Variants in SNX4 observed in about 807,000 individuals in gnomAD.
SNX4 encodes the protein sorting nexin-4.
In SNX4, 49 loss-of-function variants were observed where a neutral mutation model predicts 70.8. The ratio of observed to expected loss-of-function variants is 0.69; its 90% CI spans 0.55 to 0.88. The LOEUF (loss-of-function observed/expected upper bound fraction) is 0.88. SNX4 is among the 40% of genes least tolerant of loss of function. The pLI, the probability that SNX4 is intolerant of heterozygous loss-of-function variation, is 0.00. For missense variants in SNX4, 528 were observed against 544.8 expected (o/e 0.97, Z 0.31); for synonymous variants, 206 against 183.8 (o/e 1.12, Z -0.98).
intron 7 of SNX4, 43 bp downstream of exon 7, chr3:125,480,204 T>C: frequency 5.7e-6 from 7 of 1,219,588 alleles, no homozygotes; most frequent in Non-Finnish European, 8.0e-6. Flanking sequence ...TGAGAAGCAC[T>C]TCCTTATGCA....
At chr3:125,499,820 G>A (rs113483182) in intron 2 of SNX4, among the ~76,000 whole-genome samples, 2 of 150,190 alleles carry the variant, frequency 1.3e-5, no homozygotes, top group African/African-American at 4.9e-5. Context: ...TGTAATCCCA[G>A]CACTTTGGGA....
In SNX4 at chr3:125,498,152, T is replaced by A. The variant is rs1163046136; in HGVS notation, c.306A>T (p.Ser102=). The A allele has an allele frequency of 2.5e-6, 4 of 1,613,954 alleles. No homozygotes were observed. ...HTDGQSVLTD[S]LWRRYSEFEL... ...CAAATTCACTATATCGCCGCCATAG[T>A]GAGTCTGTTAGGACACTCTGACCAT... Residue 102 remains serine, a synonymous_variant, in exon 3 of 14, where the codon TCA becomes TCT. Transcript: ENST00000251775.
intron 6 of SNX4, among the ~76,000 whole-genome samples, chr3:125,484,840 TG>T (rs2107548527): frequency 6.6e-6 from 1 of 152,034 alleles, no homozygotes; most frequent in East Asian, 2.0e-4. Flanking sequence ...CCAGGCCGGG[TG>T]GATCACCTGA....
chr3:125,476,739 G>C lies in SNX4; in HGVS notation c.744C>G (p.Leu248=), dbSNP rs148327567. Residue 248 remains leucine, a synonymous_variant, in exon 8 of 14, where the codon CTC becomes CTG. Transcript: ENST00000251775. ...TCCCATGTACTTTATATACACCATA[G>C]AGTCGATCTGCTACTCTCTGAAATA... ...LRVRARVADR[L]YGVYKVHGNY... is the part of the protein sequence containing the mutation. 2.0e-4 allele frequency: 320 copies of C among 1,593,252 alleles called. 2 individuals carry two copies. In the East Asian group the frequency reaches 7.1e-3, roughly 35 times the overall value.
In SNX4 at chr3:125,456,466, C is replaced by G. The variant is rs531177026; in HGVS notation, c.1044+800G>C. 1.9e-4 allele frequency among the ~76,000 whole-genome samples: 29 copies of G among 152,034 alleles called. No individual in the cohort carries two copies. In the South Asian group the frequency reaches 4.4e-3, roughly 23 times the overall value. ...ACTTGAGTCCAGGAGTTTGAGACCA[C>G]CCTGGTCAACATGATGAGACTATAA... On this transcript the variant is annotated intron_variant, in intron 11 of 13. Coordinates refer to ENST00000251775, the MANE Select transcript of SNX4 (RefSeq NM_003794.4).
chr3:125,517,352 A>T (rs1559828447), intron 1 of SNX4, among the ~76,000 whole-genome samples: 1 of 152,240 alleles, frequency 6.6e-6, no homozygotes, highest in Non-Finnish European at 1.5e-5. Flanking sequence ...AATGAAAAGT[A>T]GAGCCCCACT....
In SNX4 at chr3:125,499,973, T is replaced by C. The variant is rs377464605; in HGVS notation, c.264-1779A>G. On this transcript the variant is annotated intron_variant, in intron 2 of 13. Transcript: ENST00000251775. ...TACCCAGGAGGCTGAGACAGGAGAATTGCTTGAACCCGGGAGGCAGAGGTT... is the reference window on the plus strand; with the variant it reads ...TACCCAGGAGGCTGAGACAGGAGAACTGCTTGAACCCGGGAGGCAGAGGTT... 7.2e-4 allele frequency among the ~76,000 whole-genome samples: 109 copies of C among 152,016 alleles called. 2 individuals carry two copies. The South Asian group carries it at 0.022, about 31-fold the overall frequency.
At chr3:125,481,609 C>T (rs755801367) in intron 6 of SNX4, among the ~76,000 whole-genome samples, 2 of 152,138 alleles carry the variant, frequency 1.3e-5, no homozygotes, top group African/African-American at 2.4e-5. Flanking sequence ...CCACCACACC[C>T]GTCTCTCTTT....
At chr3:125,480,000 C>T (rs1314513312) in intron 7 of SNX4, among the ~76,000 whole-genome samples, 6 of 151,972 alleles carry the variant, frequency 3.9e-5, no homozygotes, top group African/African-American at 1.5e-4. Flanking sequence ...AATGGCAGGC[C>T]TTTTGATAAC....
rs747496369 is a variant in SNX4 at position 125,502,852 on chromosome 3, TC to T, written c.263+1770del. Among the ~76,000 whole-genome samples, 360 of 60,860 alleles carry T rather than the reference TC, an allele frequency of 5.9e-3. 3 individuals carry two copies. Among genetic ancestry groups the T allele is most frequent in the Middle Eastern group, 0.011 (1 of 92 alleles). 39.9% of individuals were successfully genotyped at this position (60,860 alleles called of 152,430 possible). On this transcript the variant is annotated intron_variant, in intron 2 of 13. Coordinates refer to ENST00000251775, the MANE Select transcript of SNX4 (RefSeq NM_003794.4). ...CTGGGTGACAGAGTGAGACTCCATC[TC>T]AAAAAAAAAAAAAAAAAAGTATTAA... is the stretch of plus-strand genomic sequence containing the variant.
intron 10 of SNX4, 115 bp from the exon 11 acceptor site, chr3:125,457,480 C>A: frequency 1.4e-6 from 1 of 697,376 alleles, no homozygotes; most frequent in Non-Finnish European, 2.5e-6. Flanking sequence ...TGTGTGTGCC[C>A]AGAATTTTCA....
chr3:125,492,411 CTG>C (rs1298254460), intron 5 of SNX4, among the ~76,000 whole-genome samples: 1 of 151,892 alleles, frequency 6.6e-6, no homozygotes, highest in Non-Finnish European at 1.5e-5. Flanking sequence ...TGGTTTATAA[CTG>C]TTGTCCTAAT....
chr3:125,480,764 C>T (rs905485972), intron 6 of SNX4, among the ~76,000 whole-genome samples: 1 of 152,160 alleles, frequency 6.6e-6, no homozygotes, highest in South Asian at 2.1e-4. Flanking sequence ...ATCTGTCATT[C>T]TCCAAACAAC....
intron 1 of SNX4, among the ~76,000 whole-genome samples, chr3:125,516,543 G>C (rs1056841707): frequency 1.3e-5 from 2 of 152,154 alleles, no homozygotes; most frequent in Admixed American, 6.6e-5. Context: ...AAAATCTGCA[G>C]TCAAAAATAA....
intron 1 of SNX4, among the ~76,000 whole-genome samples, chr3:125,517,609 C>T (rs1935310217): frequency 6.6e-6 from 1 of 152,144 alleles, no homozygotes; most frequent in African/African-American, 2.4e-5. Flanking sequence ...TGTTTAAACA[C>T]CTAGTAATTC....
In SNX4 at chr3:125,515,540, C is replaced by T. The variant is rs190893642; in HGVS notation, c.141+4492G>A. 1.0e-4 allele frequency among the ~76,000 whole-genome samples: 15 copies of T among 149,982 alleles called. No homozygotes were observed. The East Asian group carries it at 3.0e-3, about 30-fold the overall frequency. The stretch of plus-strand genomic sequence containing the variant: ...ATTAGTCAGGTATTGTGGTGTATGC[C>T]TGTAGTTCCAGCTACTCCAGAGGCT... On this transcript the variant is annotated intron_variant, in intron 1 of 13. Transcript: ENST00000251775.
intron 9 of SNX4, among the ~76,000 whole-genome samples, chr3:125,461,476 G>C (rs955703649): frequency 3.3e-5 from 5 of 152,252 alleles, no homozygotes; most frequent in African/African-American, 1.2e-4. Flanking sequence ...TTGTAAGACT[G>C]TAATATCTTT....
intron 1 of SNX4, among the ~76,000 whole-genome samples, chr3:125,516,200 GT>G (rs1935274464): frequency 1.3e-5 from 2 of 151,952 alleles, no homozygotes; most frequent in African/African-American, 4.8e-5. Context: ...ACTGTAAATG[GT>G]TTTTCTCTGG....
intron 6 of SNX4, among the ~76,000 whole-genome samples, chr3:125,488,507 A>G (rs1339826799): frequency 6.6e-6 from 1 of 152,088 alleles, no homozygotes; most frequent in Non-Finnish European, 1.5e-5. Context: ...AAAAAACTCA[A>G]GTTACCATCA....
Sources: allele counts gnomAD v4.1 joint callset (sites outside exome capture counted in the v4.1 genomes callset), GRCh38; gene constraint gnomAD v4.1.1; transcripts MANE v1.5; gene names NCBI Gene and HGNC (gene_info 2026-07-23, HGNC 2026-07-21).